The following ASIC2 variants were observed in gnomAD, a reference collection of about 807,000 sequenced individuals.
ASIC2 encodes the protein acid-sensing ion channel 2.
Under a neutral mutation model 57.3 loss-of-function variants are expected in ASIC2, and 25 were observed. The observed-to-expected ratio is 0.44, with a 90% CI of 0.32 to 0.61. The LOEUF (loss-of-function observed/expected upper bound fraction) is 0.61, where lower values mean the gene tolerates loss of function less well. Among genes scored for constraint, ASIC2 ranks in the 20% least tolerant of loss-of-function variants. The pLI is 0.06. For missense variants in ASIC2, 641 were observed against 738.1 expected, an observed-to-expected ratio of 0.87 and a Z score of 1.52; for synonymous variants, 319 against 307.5, an observed-to-expected ratio of 1.04 and a Z score of -0.39.
At chr17:33,896,143 T>C (rs1158797283) in intron 1 of ASIC2, among the ~76,000 whole-genome samples, 1 of 152,256 alleles carries the variant, frequency 6.6e-6, no homozygotes, top group Non-Finnish European at 1.5e-5. Context: ...TAATAATTTA[T>C]TTATATTTCT....
chr17:33,516,104 CCAAAACAAAACAAAACAAAA>C (rs111917283), intron 1 of ASIC2, among the ~76,000 whole-genome samples: 40 of 144,638 alleles, frequency 2.8e-4, no homozygotes, highest in East Asian at 8.3e-4. Flanking sequence ...GATTCTGTCT[CCAAAACAAAACAAAACAAAA>C]CAAAACAAAA....
At chr17:33,408,226 C>T (rs539891411) in intron 1 of ASIC2, among the ~76,000 whole-genome samples, 2 of 152,146 alleles carry the variant, frequency 1.3e-5, no homozygotes, top group East Asian at 1.9e-4. Flanking sequence ...CAATAACCAA[C>T]GTTTGTTGCA....
intron 1 of ASIC2, among the ~76,000 whole-genome samples, chr17:34,114,249 T>C (rs1465766801): frequency 6.6e-6 from 1 of 152,208 alleles, no homozygotes; most frequent in African/African-American, 2.4e-5. Flanking sequence ...TTAGGAAAAG[T>C]GCTTTAAATG....
chr17:33,455,523 G>A (rs905935918), intron 1 of ASIC2, among the ~76,000 whole-genome samples: 6 of 152,190 alleles, frequency 3.9e-5, no homozygotes, highest in Non-Finnish European at 4.4e-5. Context: ...ACATGATTTT[G>A]CTATCTTTTT....
chr17:33,997,628 G>A (rs1243921569), intron 1 of ASIC2, among the ~76,000 whole-genome samples: 1 of 152,100 alleles, frequency 6.6e-6, no homozygotes, highest in Non-Finnish European at 1.5e-5. Flanking sequence ...CTATTGAGAT[G>A]ATCATATAAT....
chr17:33,701,649 G>T (rs1437740602), intron 1 of ASIC2, among the ~76,000 whole-genome samples: 1 of 152,176 alleles, frequency 6.6e-6, no homozygotes, highest in African/African-American at 2.4e-5. Context: ...CTCCAAGTCA[G>T]GGTCAGCCAT....
chr17:33,947,224 G>A (rs1904406708), intron 1 of ASIC2, among the ~76,000 whole-genome samples: 1 of 152,162 alleles, frequency 6.6e-6, no homozygotes, highest in Non-Finnish European at 1.5e-5. Context: ...ATCTATCTTT[G>A]CCACTCCAGA....
At chr17:33,061,962 A>G (rs1448777203) in intron 3 of ASIC2, among the ~76,000 whole-genome samples, 1 of 151,938 alleles carries the variant, frequency 6.6e-6, no homozygotes, top group African/African-American at 2.4e-5. Context: ...GGTGTTTATA[A>G]TATTCTCTGA....
chr17:33,932,713 C>CA lies in ASIC2; in HGVS notation c.555+223264dup, dbSNP rs869134623. ...GGGCAACAAAAGCGAAACTTTGTTTCAAAAAAAAAAAAAAAAAAAAAAAAA... is the reference window on the plus strand; with the variant it reads ...GGGCAACAAAAGCGAAACTTTGTTTCAAAAAAAAAAAAAAAAAAAAAAAAAA... On this transcript the variant is annotated intron_variant, in intron 1 of 9. Coordinates refer to the ASIC2 transcript ENST00000359872. The CA allele has an allele frequency of 5.8e-3, 257 of 44,034 alleles. 57 individuals carry two copies. In the East Asian group the frequency reaches 0.082, roughly 14 times the overall value. 2.7% of individuals were successfully genotyped at this position (44,034 alleles called of 1,614,324 possible).
intron 1 of ASIC2, among the ~76,000 whole-genome samples, chr17:33,400,531 T>C (rs1474918160): frequency 6.6e-6 from 1 of 152,144 alleles, no homozygotes; most frequent in African/African-American, 2.4e-5. Flanking sequence ...CTTCTTGAAG[T>C]ATACCTGATA....
intron 1 of ASIC2, among the ~76,000 whole-genome samples, chr17:34,145,700 T>C (rs1191731087): frequency 1.3e-5 from 2 of 152,198 alleles, no homozygotes; most frequent in African/African-American, 4.8e-5. Flanking sequence ...AGCTCTCATA[T>C]TGCCCGTGAG....
intron 1 of ASIC2, among the ~76,000 whole-genome samples, chr17:33,894,457 G>A (rs565129699): frequency 4.1e-4 from 63 of 152,114 alleles, no homozygotes; most frequent in Admixed American, 2.6e-3. Flanking sequence ...TCAGCAGAGC[G>A]AGTTGTTCTC....
intron 1 of ASIC2, among the ~76,000 whole-genome samples, chr17:34,053,297 C>G (rs1407959712): frequency 6.6e-6 from 1 of 152,158 alleles, no homozygotes; most frequent in Non-Finnish European, 1.5e-5. Flanking sequence ...GTCAGGCCCT[C>G]TAAGAGCTCC....
At chr17:33,454,576 A>C (rs907628416) in intron 1 of ASIC2, among the ~76,000 whole-genome samples, 2 of 152,248 alleles carry the variant, frequency 1.3e-5, no homozygotes, top group Admixed American at 1.3e-4. Context: ...ACCTTTGGCT[A>C]AGAGAGGCTT....
intron 3 of ASIC2, among the ~76,000 whole-genome samples, chr17:33,048,023 T>C (rs1212502403): frequency 6.6e-6 from 1 of 151,982 alleles, no homozygotes; most frequent in Non-Finnish European, 1.5e-5. Flanking sequence ...TTTAAGGAGG[T>C]AATTAAGGTT....
chr17:34,039,930 C>G, intron 1 of ASIC2: 3 of 1,462,380 alleles, frequency 2.1e-6, no homozygotes, highest in Non-Finnish European at 2.9e-6. Context: ...GACCCCGACC[C>G]GACCCGGCTG....
intron 1 of ASIC2, among the ~76,000 whole-genome samples, chr17:33,430,856 A>G (rs1463367197): frequency 1.3e-5 from 2 of 152,242 alleles, no homozygotes; most frequent in African/African-American, 2.4e-5. Flanking sequence ...ACTAGAGACC[A>G]AAGCTCCTAA....
At chr17:33,040,036 G>T (rs1307342610) in intron 3 of ASIC2, among the ~76,000 whole-genome samples, 2 of 152,208 alleles carry the variant, frequency 1.3e-5, no homozygotes, top group Non-Finnish European at 2.9e-5. Context: ...GAATTCCGAG[G>T]CTAGATGTTA....
At chr17:33,571,528 C>T (rs547547826) in intron 1 of ASIC2, among the ~76,000 whole-genome samples, 54 of 152,306 alleles carry the variant, frequency 3.5e-4, no homozygotes, top group African/African-American at 1.2e-3. Flanking sequence ...TAACCCCTCT[C>T]CCAGCTCCTG....
Sources: allele counts gnomAD v4.1 joint callset (sites outside exome capture counted in the v4.1 genomes callset), GRCh38; gene constraint gnomAD v4.1.1; transcripts MANE v1.5; gene names NCBI Gene and HGNC (gene_info 2026-07-23, HGNC 2026-07-21).